Variants in SNX13 observed in about 807,000 individuals in gnomAD.
SNX13 encodes sorting nexin 13, also known as sorting nexin-13.
Under a neutral mutation model 133.6 loss-of-function variants are expected in SNX13, and 45 were observed. That is an observed-to-expected ratio of 0.34 (90% CI 0.27 to 0.43). SNX13 has a LOEUF of 0.43. SNX13 is among the 20% of genes least tolerant of loss of function. SNX13 has a pLI of 1.00. For missense variants in SNX13, 1,032 were observed against 1,145.1 expected (o/e 0.90, Z 1.43); for synonymous variants, 414 against 373.9 (o/e 1.11, Z -1.24).
At chr7:17,928,112 AAGCTAG>A (rs1800970348) in intron 1 of SNX13, among the ~76,000 whole-genome samples, 1 of 152,238 alleles carries the variant, frequency 6.6e-6, no homozygotes, top group Non-Finnish European at 1.5e-5. Flanking sequence ...ACAGCAGAGA[AAGCTAG>A]ATCCTCAATG....
intron 22 of SNX13, among the ~76,000 whole-genome samples, chr7:17,800,835 T>C (rs1583453400): frequency 6.6e-6 from 1 of 151,162 alleles, no homozygotes; most frequent in Non-Finnish European, 1.5e-5. Context: ...TCAACAGTTA[T>C]CACAGAAACG....
chr7:17,928,212 A>C (rs1241190174), intron 1 of SNX13, among the ~76,000 whole-genome samples: 1 of 152,182 alleles, frequency 6.6e-6, no homozygotes, highest in Non-Finnish European at 1.5e-5. Flanking sequence ...TTAAGTGCTT[A>C]CTTGGCCAGG....
chr7:17,853,928 G>A (rs770471062), intron 9 of SNX13, among the ~76,000 whole-genome samples: 15 of 150,460 alleles, frequency 1.0e-4, no homozygotes, highest in Non-Finnish European at 1.3e-4. Flanking sequence ...GCGACAGAGC[G>A]AGAATCCATC....
At chr7:17,882,886 G>A in intron 5 of SNX13, 4 of 1,271,170 alleles carry the variant, frequency 3.1e-6, no homozygotes, top group African/African-American at 3.1e-5. Flanking sequence ...AGGAAGCGGA[G>A]GTTGCAGTGA....
chr7:17,876,672 A>G (rs1309267180), intron 5 of SNX13, among the ~76,000 whole-genome samples: 1 of 152,092 alleles, frequency 6.6e-6, no homozygotes, highest in East Asian at 1.9e-4. Context: ...AAGCCTTTAG[A>G]ATACTCATGA....
intron 1 of SNX13, among the ~76,000 whole-genome samples, chr7:17,930,878 T>G (rs1801318752): frequency 6.6e-6 from 1 of 152,172 alleles, no homozygotes; most frequent in Non-Finnish European, 1.5e-5. Flanking sequence ...TATTGTGAAG[T>G]GCACATGCAA....
intron 11 of SNX13, among the ~76,000 whole-genome samples, chr7:17,847,038 T>C (rs571625716): frequency 2.2e-4 from 33 of 152,168 alleles, no homozygotes; most frequent in African/African-American, 7.7e-4. Context: ...AAACAAAATA[T>C]CTAAATTTTA....
intron 15 of SNX13, chr7:17,832,060 C>T (rs1232470379): frequency 4.1e-6 from 4 of 982,722 alleles, no homozygotes; most frequent in Non-Finnish European, 4.8e-6. Context: ...CCTAGAAAGA[C>T]AATAAGATAC....
intron 9 of SNX13, among the ~76,000 whole-genome samples, chr7:17,853,835 G>C (rs910495486): frequency 6.6e-6 from 1 of 152,116 alleles, no homozygotes; most frequent in Non-Finnish European, 1.5e-5. Context: ...CCAGCTACTT[G>C]GGAGGCTGAG....
At chr7:17,848,640 C>A (rs1362838424) in intron 11 of SNX13, among the ~76,000 whole-genome samples, 1 of 152,212 alleles carries the variant, frequency 6.6e-6, no homozygotes, top group Non-Finnish European at 1.5e-5. Context: ...TTCCTCCACC[C>A]ACTCACCTGG....
At chr7:17,909,160 C>A (rs1264987842) in intron 1 of SNX13, among the ~76,000 whole-genome samples, 1 of 152,100 alleles carries the variant, frequency 6.6e-6, no homozygotes, top group Non-Finnish European at 1.5e-5. Flanking sequence ...GAGATACCAT[C>A]TCACGCCAGT....
At chr7:17,821,018 T>A (rs984079631) in intron 18 of SNX13, among the ~76,000 whole-genome samples, 1 of 152,098 alleles carries the variant, frequency 6.6e-6, no homozygotes, top group African/African-American at 2.4e-5. Context: ...TATTACTTGG[T>A]TAATATTAAA....
chr7:17,933,817 G>A (rs921955669), intron 1 of SNX13, among the ~76,000 whole-genome samples: 1 of 145,014 alleles, frequency 6.9e-6, no homozygotes, highest in East Asian at 2.0e-4. Flanking sequence ...AAAAAAACCC[G>A]ATGTACTACC....
chr7:17,825,191 G>A (rs1287067956), intron 17 of SNX13, among the ~76,000 whole-genome samples: 3 of 151,904 alleles, frequency 2.0e-5, no homozygotes, highest in Non-Finnish European at 4.4e-5. Flanking sequence ...CAGTTCCAGT[G>A]ACAAGAAAAA....
At chr7:17,912,665 G>A (rs1344157588) in intron 1 of SNX13, among the ~76,000 whole-genome samples, 3 of 152,120 alleles carry the variant, frequency 2.0e-5, no homozygotes, top group African/African-American at 7.2e-5. Flanking sequence ...ACCTGCCTTG[G>A]CCTCTCAAAG....
chr7:17,900,369 G>T (rs567675841), intron 1 of SNX13: 12 of 152,430 alleles, frequency 7.9e-5, no homozygotes, highest in African/African-American at 2.9e-4. Flanking sequence ...AGGCAGTGAA[G>T]CCAGATAGGC....
chr7:17,936,982 A>C (rs1467454749), intron 1 of SNX13, among the ~76,000 whole-genome samples: 2 of 150,622 alleles, frequency 1.3e-5, no homozygotes, highest in East Asian at 3.9e-4. Context: ...GGACAACAGA[A>C]GGGGAAAAAA....
chr7:17,886,333 G>C (rs561775079), intron 5 of SNX13, among the ~76,000 whole-genome samples: 1 of 152,162 alleles, frequency 6.6e-6, no homozygotes, highest in East Asian at 1.9e-4. Flanking sequence ...ACTTTGGGAG[G>C]CTGAGGGGGG....
At chr7:17,872,771 T>C (rs1370508482) in intron 8 of SNX13, among the ~76,000 whole-genome samples, 1 of 152,218 alleles carries the variant, frequency 6.6e-6, no homozygotes, top group African/African-American at 2.4e-5. Context: ...TAAGCTTTTG[T>C]TTTTAGGAAA....
Sources: gnomAD v4.1 joint callset for allele counts (sites outside exome capture counted in the v4.1 genomes callset) on GRCh38, gnomAD v4.1.1 for gene constraint, MANE v1.5 for transcripts, NCBI Gene and HGNC (gene_info 2026-07-23, HGNC 2026-07-21) for gene names.